HYDIN: variants seen among roughly 807,000 people sequenced by gnomAD.
HYDIN encodes axonemal central pair apparatus protein HYDIN.
HYDIN carries 132 observed loss-of-function variants against 403.9 expected under a neutral mutation model. The ratio of observed to expected loss-of-function variants is 0.33; its 90% CI spans 0.28 to 0.38. The LOEUF (loss-of-function observed/expected upper bound fraction) is 0.38. HYDIN is among the 10% of genes least tolerant of loss of function. The pLI, the probability that HYDIN is intolerant of heterozygous loss-of-function variation, is 1.00. For synonymous variants in HYDIN, 1,202 were observed against 1,891.7 expected (o/e 0.64, Z 9.46); for missense variants, 2,827 against 5,009.5 (o/e 0.56, Z 13.15).
intron 23 of HYDIN, among the ~76,000 whole-genome samples, chr16:71,005,087 A>C (rs2079852064): frequency 6.6e-6 from 1 of 152,204 alleles, no homozygotes; most frequent in Non-Finnish European, 1.5e-5. Context: ...TTCTTTGTTG[A>C]GATCTGCTTT....
intron 68 of HYDIN, 80 bp downstream of exon 68, chr16:70,863,005 G>A (rs1451713869): frequency 4.9e-6 from 5 of 1,019,378 alleles, no homozygotes; most frequent in Non-Finnish European, 6.0e-6. Flanking sequence ...CCTCTGAGCA[G>A]TGCTGGCCTC....
At chr16:71,191,788 T>C (rs1173271743) in intron 1 of HYDIN, among the ~76,000 whole-genome samples, 1 of 152,180 alleles carries the variant, frequency 6.6e-6, no homozygotes, top group Non-Finnish European at 1.5e-5. Context: ...TGCTTCCACT[T>C]AGGGTGTCCA....
At position 70,943,919 on chromosome 16, in the gene HYDIN, T is replaced by G. The variant is rs769757047; in HGVS notation, c.6562A>C (p.Ile2188Leu). 1 of 1,612,764 alleles carries G rather than the reference T, an allele frequency of 6.2e-7. No individual in the cohort carries two copies. Among genetic ancestry groups the G allele is most frequent in the Non-Finnish European group, 8.5e-7 (1 of 1,179,674 alleles). ...ISSSPLPPGP[I>L]HRWLSVSPSV... is the part of the protein sequence containing the mutation. ...GGACTAACACTGAGCCAGCGGTGGATGGGCCCCGGGGGGAGAGGGCTGGAG... is the reference window on the plus strand; with the variant it reads ...GGACTAACACTGAGCCAGCGGTGGAGGGGCCCCGGGGGGAGAGGGCTGGAG... Residue 2188 changes from isoleucine (I) to leucine (L), a missense_variant, in exon 42 of 86, where the codon ATC (isoleucine) becomes CTC (leucine). Physicochemically the swap from Ile to Leu is conservative, Grantham distance 5 (BLOSUM62 2). Coordinates refer to ENST00000393567, the MANE Select transcript of HYDIN (RefSeq NM_001270974.2).
intron 11 of HYDIN, chr16:71,090,504 T>G (rs1218772741): frequency 1.3e-5 from 2 of 152,250 alleles, no homozygotes; most frequent in Non-Finnish European, 2.9e-5. Context: ...GTTTGTTTGT[T>G]TTTTGTTTTT....
At chr16:71,020,049 T>G (rs1237259961) in intron 22 of HYDIN, 125 bp downstream of exon 22, 2 of 675,612 alleles carry the variant, frequency 3.0e-6, no homozygotes, top group Non-Finnish European at 4.8e-6. Flanking sequence ...TCTTCCCTGT[T>G]TGCTTCCTGG....
chr16:70,817,826 C>T (rs1043492933), intron 84 of HYDIN, among the ~76,000 whole-genome samples: 24 of 152,070 alleles, frequency 1.6e-4, no homozygotes, highest in African/African-American at 5.3e-4. Flanking sequence ...ACTGCAGCCT[C>T]CACCTCCTGG....
intron 57 of HYDIN, among the ~76,000 whole-genome samples, chr16:70,891,275 G>A (rs1322832635): frequency 6.6e-6 from 1 of 152,038 alleles, no homozygotes; most frequent in Admixed American, 6.6e-5. Flanking sequence ...TGCAACCTCC[G>A]CCTCTCAGGT....
chr16:71,172,647 G>A (rs1039630206), intron 5 of HYDIN, among the ~76,000 whole-genome samples: 3 of 152,112 alleles, frequency 2.0e-5, no homozygotes, highest in Non-Finnish European at 4.4e-5. Context: ...ATGATGGGCG[G>A]GAGGGAAATG....
intron 7 of HYDIN, among the ~76,000 whole-genome samples, chr16:71,151,054 G>C (rs2085518669): frequency 6.6e-6 from 1 of 152,134 alleles, no homozygotes; most frequent in Non-Finnish European, 1.5e-5. Context: ...TGTTGGTGAG[G>C]ATGTGAAGCA....
intron 25 of HYDIN, among the ~76,000 whole-genome samples, chr16:70,989,587 T>G (rs1426304119): frequency 1.3e-5 from 2 of 152,152 alleles, no homozygotes; most frequent in African/African-American, 4.8e-5. Flanking sequence ...GTTGACCTAA[T>G]ATGAGTGCCA....
intron 65 of HYDIN, among the ~76,000 whole-genome samples, chr16:70,870,346 G>A (rs2040019045): frequency 6.6e-6 from 1 of 151,462 alleles, no homozygotes; most frequent in African/African-American, 2.4e-5. Context: ...TCTAGGGCAT[G>A]TCAGAGACCT....
At chr16:71,177,247 CAG>C (rs2086706397) in intron 4 of HYDIN, among the ~76,000 whole-genome samples, 1 of 152,130 alleles carries the variant, frequency 6.6e-6, no homozygotes, top group South Asian at 2.1e-4. Context: ...TGTTTAAGGT[CAG>C]AGAGGATGCT....
chr16:70,932,771 A>T (rs1443007511), intron 45 of HYDIN, among the ~76,000 whole-genome samples: 4 of 152,268 alleles, frequency 2.6e-5, no homozygotes, highest in African/African-American at 9.6e-5. Flanking sequence ...AAGAAATGCA[A>T]ATCCAAGCAA....
chr16:71,163,554 G>C (rs2086101011), intron 5 of HYDIN, among the ~76,000 whole-genome samples: 1 of 152,166 alleles, frequency 6.6e-6, no homozygotes, highest in Admixed American at 6.5e-5. Context: ...TGCTATGCCA[G>C]TTTCAAGCTG....
At chr16:70,916,427 G>T (rs1195238474) in intron 47 of HYDIN, among the ~76,000 whole-genome samples, 1 of 152,096 alleles carries the variant, frequency 6.6e-6, no homozygotes. Flanking sequence ...CCCCAGTTGG[G>T]GTGTGTATCC....
chr16:71,000,119 A>G (rs1283079756), intron 23 of HYDIN, among the ~76,000 whole-genome samples: 1 of 151,764 alleles, frequency 6.6e-6, no homozygotes, highest in Non-Finnish European at 1.5e-5. Flanking sequence ...GATTTTAATT[A>G]ATATGAACAT....
intron 30 of HYDIN, 125 bp downstream of exon 30, chr16:70,978,789 A>C: frequency 1.2e-6 from 1 of 814,784 alleles, no homozygotes; most frequent in Non-Finnish European, 1.9e-6. Context: ...GCTTCTGCAC[A>C]CAGTGCCCTT....
chr16:70,830,699 T>G (rs2036919861), intron 80 of HYDIN, among the ~76,000 whole-genome samples: 1 of 151,632 alleles, frequency 6.6e-6, no homozygotes, highest in African/African-American at 2.4e-5. Context: ...CATTTACTTC[T>G]GTATGGTATG....
At chr16:70,999,353 A>T (rs992883674) in intron 23 of HYDIN, among the ~76,000 whole-genome samples, 5 of 151,560 alleles carry the variant, frequency 3.3e-5, no homozygotes, top group Admixed American at 2.6e-4. Flanking sequence ...GAATAGTGGT[A>T]AAGCAACTGT....
Sources: gnomAD v4.1 joint callset for allele counts (sites outside exome capture counted in the v4.1 genomes callset) on GRCh38, gnomAD v4.1.1 for gene constraint, MANE v1.5 for transcripts, NCBI Gene and HGNC (gene_info 2026-07-23, HGNC 2026-07-21) for gene names.